UBFD1: variants seen among roughly 807,000 people sequenced by gnomAD.
UBFD1 encodes the protein ubiquitin domain-containing protein UBFD1.
A neutral mutation model predicts 35.1 loss-of-function variants in UBFD1; 12 were observed. The observed-to-expected ratio is 0.34, with a 90% CI of 0.22 to 0.55. UBFD1 has a LOEUF of 0.55. Ranked by LOEUF, UBFD1 falls within the 20% of genes least tolerant of loss-of-function variation. The pLI, the probability that UBFD1 is intolerant of heterozygous loss-of-function variation, is 0.89. For synonymous variants in UBFD1, 178 were observed against 167.6 expected, an observed-to-expected ratio of 1.06 and a Z score of -0.48; for missense variants, 337 against 410.8, an observed-to-expected ratio of 0.82 and a Z score of 1.55.
rs1299963635 is a variant in UBFD1 at position 23,573,221 on chromosome 16, G to A, written c.*2631G>A. 6.6e-6 allele frequency: 1 copy of A among 151,914 alleles called. No homozygotes were observed. Among genetic ancestry groups the A allele is most frequent in the Non-Finnish European group, 1.5e-5 (1 of 67,976 alleles). 9.4% of individuals were successfully genotyped at this position (151,914 alleles called of 1,614,324 possible). On this transcript the variant is annotated 3_prime_UTR_variant, in exon 7 of 7. Coordinates refer to ENST00000395878, the MANE Select transcript of UBFD1 (RefSeq NM_019116.3). ...GGCAGGGGCCGTGCAGGTGGATAAA[G>A]GAAGAGCTGGTTTCCGGAGAGTGAC...
chr16:23,567,897 C>G (rs1287206835), intron 6 of UBFD1, among the ~76,000 whole-genome samples: 1 of 152,252 alleles, frequency 6.6e-6, no homozygotes, highest in Non-Finnish European at 1.5e-5. Flanking sequence ...AAAGAAGGAA[C>G]TAGTGGTTTG....
chr16:23,566,193 T>A (rs1474267425), intron 5 of UBFD1: 1 of 152,130 alleles, frequency 6.6e-6, no homozygotes, highest in Non-Finnish European at 1.5e-5. Flanking sequence ...AGGGTCGTGG[T>A]ATAGAATCTA....
intron 6 of UBFD1, among the ~76,000 whole-genome samples, chr16:23,567,606 T>C (rs1838880729): frequency 1.3e-5 from 2 of 152,336 alleles, no homozygotes; most frequent in Middle Eastern, 3.4e-3. Context: ...GGCTACTCTT[T>C]CCCAAGACAG....
intron 2 of UBFD1, 26 bp downstream of exon 2, chr16:23,558,305 G>C: frequency 6.3e-7 from 1 of 1,592,844 alleles, no homozygotes; most frequent in South Asian, 1.1e-5. Context: ...CTGACAGCCA[G>C]TCTTCCCCAC....
At position 23,560,274 on chromosome 16, in the gene UBFD1, A is replaced by C. The variant is rs559511958; in HGVS notation, c.564+598A>C. 3.3e-5 allele frequency among the ~76,000 whole-genome samples: 5 copies of C among 152,310 alleles called. No homozygotes were observed. The East Asian group carries it at 9.6e-4, about 29-fold the overall frequency. On this transcript the variant is annotated intron_variant, in intron 3 of 6. Coordinates refer to ENST00000395878, the MANE Select transcript of UBFD1 (RefSeq NM_019116.3). ...AGAGATCCTGCCTTGTCTTGTGCTC[A>C]TCATAGCCATTAACATTCTTTCACG... is the stretch of plus-strand genomic sequence containing the variant.
chr16:23,562,512 AC>A (rs1965951485), intron 4 of UBFD1, 112 bp from the exon 5 acceptor site: 2 of 973,624 alleles, frequency 2.1e-6, no homozygotes, highest in Non-Finnish European at 3.1e-6. Flanking sequence ...AGGTGATCTG[AC>A]CGCTTTGGCC....
At position 23,559,815 on chromosome 16, in the gene UBFD1, C is replaced by T. The variant is rs766038316; in HGVS notation, c.564+139C>T. Reference sequence around the variant, plus strand: ...GAAATTTATGGCAGCAGTTGGGTGCCGCAGAGTGGAGGTGACAACTACCTG... The same window carrying T: ...GAAATTTATGGCAGCAGTTGGGTGCTGCAGAGTGGAGGTGACAACTACCTG... On this transcript the variant is annotated intron_variant, in intron 3 of 6. Coordinates refer to ENST00000395878, the MANE Select transcript of UBFD1 (RefSeq NM_019116.3). 71 of 1,544,184 alleles carry T rather than the reference C, an allele frequency of 4.6e-5. No homozygotes were observed. The Admixed American group carries it at 8.0e-4, about 17-fold the overall frequency.
intron 6 of UBFD1, among the ~76,000 whole-genome samples, chr16:23,568,315 A>C (rs1328337747): frequency 2.0e-5 from 3 of 150,506 alleles, no homozygotes; most frequent in African/African-American, 7.3e-5. Flanking sequence ...TCACGCCACC[A>C]CACCCAGCTA....
chr16:23,561,358 C>A (rs767123009), intron 3 of UBFD1, among the ~76,000 whole-genome samples: 3 of 152,162 alleles, frequency 2.0e-5, no homozygotes, highest in Non-Finnish European at 4.4e-5. Flanking sequence ...CATTCATTGT[C>A]CCCTAGTTCC....
chr16:23,565,115 T>G (rs1299426288), intron 5 of UBFD1: 1 of 152,224 alleles, frequency 6.6e-6, no homozygotes. Context: ...TCATAAGCAC[T>G]CATAAGAGGA....
At chr16:23,562,583 C>T (rs1252726680) in intron 4 of UBFD1, 42 bp from the exon 5 acceptor site, 2 of 1,585,664 alleles carry the variant, frequency 1.3e-6, no homozygotes, top group Admixed American at 3.6e-5. Flanking sequence ...CTCTTTTTTT[C>T]TGACTGTCCC....
chr16:23,564,478 A>AT (rs1173176208), intron 5 of UBFD1: 6 of 152,176 alleles, frequency 3.9e-5, no homozygotes, highest in Non-Finnish European at 8.8e-5. Context: ...CTGCTAGATC[A>AT]TTCTCTTCTG....
chr16:23,564,532 C>T (rs1446464583), intron 5 of UBFD1: 1 of 152,214 alleles, frequency 6.6e-6, no homozygotes, highest in Non-Finnish European at 1.5e-5. Context: ...AGCTGCCCAG[C>T]CTCTGTCAAC....
chr16:23,562,398 G>C, intron 4 of UBFD1, 127 bp downstream of exon 4: 1 of 936,524 alleles, frequency 1.1e-6, no homozygotes, highest in Non-Finnish European at 1.6e-6. Flanking sequence ...GTCTTGCTCT[G>C]TCACCCAGGC....
chr16:23,569,755 C>T (rs1175692680), intron 6 of UBFD1: 1 of 152,218 alleles, frequency 6.6e-6, no homozygotes. Flanking sequence ...CACGTGCGTC[C>T]TTCCCATCTA....
chr16:23,570,911 A>T lies in UBFD1; in HGVS notation c.*321A>T. On this transcript the variant is annotated 3_prime_UTR_variant, in exon 7 of 7. Transcript: ENST00000395878. ...GTGTTTGAGAGTAGATCTGCCAATTATGTTGACAAGGGAATGATCAAAAGC... is the reference window on the plus strand; with the variant it reads ...GTGTTTGAGAGTAGATCTGCCAATTTTGTTGACAAGGGAATGATCAAAAGC... 1 of 170,888 alleles carries T rather than the reference A, an allele frequency of 5.9e-6. No individual in the cohort carries two copies. Among genetic ancestry groups the T allele is most frequent in the Non-Finnish European group, 1.2e-5 (1 of 80,912 alleles). 10.6% of individuals were successfully genotyped at this position (170,888 alleles called of 1,614,324 possible).
In UBFD1 at chr16:23,558,136, T is replaced by G. The variant is rs368702600; in HGVS notation, c.212T>G (p.Val71Gly). ...GGGGACCCCGCAGCCCAGGCCTCGG[T>G]CAGCAACGGCGAAGACGCGGGCGGC... ...PPGDPAAQAS[V>G]SNGEDAGGGA... Residue 71 changes from valine (V) to glycine (G), a missense_variant, in exon 2 of 7, where the codon GTC becomes GGC. Physicochemically the swap from Val to Gly is moderately radical, Grantham distance 109. This residue lies in a region of UBFD1 where 198 missense variants were observed against 168.4 expected (regional missense o/e 1.18). Transcript: ENST00000395878. 161 of 1,602,988 alleles carry G rather than the reference T, an allele frequency of 1.0e-4. No homozygotes were observed. Among genetic ancestry groups the G allele is most frequent in the Admixed American group, 1.7e-4 (10 of 58,748 alleles).
chr16:23,562,115 C>G (rs1965944121), intron 3 of UBFD1, 91 bp from the exon 4 acceptor site: 2 of 1,242,638 alleles, frequency 1.6e-6, no homozygotes, highest in South Asian at 1.3e-5. Flanking sequence ...AGCCAAAACA[C>G]TAAGGCTTTC....
At chr16:23,562,493 C>T (rs537596276) in intron 4 of UBFD1, 132 bp from the exon 5 acceptor site, 72 of 865,060 alleles carry the variant, frequency 8.3e-5, no homozygotes, top group Non-Finnish European at 1.2e-4. Context: ...GTCTCCAACT[C>T]CTGACCTCAG....
Sources: gnomAD v4.1 joint callset for allele counts (sites outside exome capture counted in the v4.1 genomes callset) on GRCh38, gnomAD v4.1.1 for gene constraint, gnomAD v4.1.1 regional missense constraint, MANE v1.5 for transcripts, NCBI Gene and HGNC (gene_info 2026-07-23, HGNC 2026-07-21) for gene names.